PRKCQ: variants seen among roughly 807,000 people sequenced by gnomAD.
PRKCQ encodes protein kinase C theta, also known as protein kinase C theta type.
PRKCQ carries 41 observed loss-of-function variants against 91.2 expected under a neutral mutation model. The ratio of observed to expected loss-of-function variants is 0.45; its 90% CI spans 0.35 to 0.58. PRKCQ has a LOEUF of 0.58. PRKCQ is among the 20% of genes least tolerant of loss of function. The pLI is 0.00. For synonymous variants in PRKCQ, 307 were observed against 316.9 expected, an observed-to-expected ratio of 0.97 and a Z score of 0.33; for missense variants, 673 against 896.5, an observed-to-expected ratio of 0.75 and a Z score of 3.18.
At chr10:6,577,262 G>C (rs1035661283) in intron 1 of PRKCQ, among the ~76,000 whole-genome samples, 2 of 152,114 alleles carry the variant, frequency 1.3e-5, no homozygotes, top group Non-Finnish European at 2.9e-5. Flanking sequence ...ATCAGAATTT[G>C]ACATGTATAA....
At chr10:6,483,895 A>T (rs930417045) in intron 10 of PRKCQ, among the ~76,000 whole-genome samples, 14 of 152,232 alleles carry the variant, frequency 9.2e-5, no homozygotes, top group African/African-American at 3.1e-4. Flanking sequence ...TCAGTAAAAG[A>T]CCATATATGC....
chr10:6,452,654 G>A (rs797000081), intron 15 of PRKCQ, among the ~76,000 whole-genome samples: 13 of 149,154 alleles, frequency 8.7e-5, no homozygotes, highest in Admixed American at 2.0e-4. Flanking sequence ...GAAGCATCAC[G>A]CTACCTGACT....
chr10:6,455,704 G>GAT (rs1445412558), intron 15 of PRKCQ, among the ~76,000 whole-genome samples: 1 of 152,196 alleles, frequency 6.6e-6, no homozygotes, highest in African/African-American at 2.4e-5. Flanking sequence ...CATGAGAGAA[G>GAT]ATGGCATAGC....
chr10:6,454,288 A>T (rs1042860369), intron 15 of PRKCQ, among the ~76,000 whole-genome samples: 3 of 152,152 alleles, frequency 2.0e-5, no homozygotes. Flanking sequence ...GTGATGGATG[A>T]TAAGGGAGGA....
At chr10:6,402,146 A>G in the PRKCQ span, among the ~76,000 whole-genome samples, 2 of 152,120 alleles carry the variant, frequency 1.3e-5, no homozygotes, top group African/African-American at 4.8e-5. Flanking sequence ...GGAGTTGAAC[A>G]ATGAGAACGC....
At chr10:6,409,162 G>A in the PRKCQ span, among the ~76,000 whole-genome samples, 1 of 152,218 alleles carries the variant, frequency 6.6e-6, no homozygotes, top group Non-Finnish European at 1.5e-5. Context: ...ACTAGTAACT[G>A]GCCCAAGGAG....
At chr10:6,439,726 T>TA (rs1833872816) in intron 16 of PRKCQ, among the ~76,000 whole-genome samples, 1 of 151,990 alleles carries the variant, frequency 6.6e-6, no homozygotes. Context: ...AAGAATACAG[T>TA]ATATCATACA....
chr10:6,425,656 T>C (rs1331078871), downstream of PRKCQ, among the ~76,000 whole-genome samples: 1 of 152,158 alleles, frequency 6.6e-6, no homozygotes, highest in Non-Finnish European at 1.5e-5. Flanking sequence ...ACCTGACATA[T>C]TCATACAGAT....
chr10:6,544,714 G>A (rs1320077968), intron 1 of PRKCQ, among the ~76,000 whole-genome samples: 1 of 151,226 alleles, frequency 6.6e-6, no homozygotes, highest in Admixed American at 6.6e-5. Context: ...TCCACCTCCT[G>A]GGTTTAAGAG....
rs1212420861 is a variant in PRKCQ at position 6,544,496 on chromosome 10, ATGGAGATAAC to A, written c.-9-29362_-9-29353del. Among the ~76,000 whole-genome samples, 5 of 152,206 alleles carry A rather than the reference ATGGAGATAAC, an allele frequency of 3.3e-5. No homozygotes were observed. In the South Asian group the frequency reaches 1.0e-3, roughly 32 times the overall value. ...TGACTTAGGCCAAGGACATTGATAA[ATGGAGATAAC>A]TGGAAACTGGGTCTTCACTTATTGG... On this transcript the variant is annotated intron_variant, in intron 1 of 17. Transcript: ENST00000263125.
At chr10:6,517,432 A>G (rs1838809291) in intron 1 of PRKCQ, among the ~76,000 whole-genome samples, 1 of 151,498 alleles carries the variant, frequency 6.6e-6, no homozygotes, top group African/African-American at 2.4e-5. Context: ...AATTTTTTTC[A>G]AGTTTCTCTG....
intron 15 of PRKCQ, among the ~76,000 whole-genome samples, chr10:6,445,493 G>T (rs536121726): frequency 4.6e-5 from 7 of 152,144 alleles, no homozygotes; most frequent in Non-Finnish European, 4.4e-5. Context: ...AATCATATCT[G>T]GCCCGCTTCT....
chr10:6,572,600 G>A (rs1564400728), intron 1 of PRKCQ, among the ~76,000 whole-genome samples: 1 of 152,192 alleles, frequency 6.6e-6, no homozygotes, highest in East Asian at 1.9e-4. Flanking sequence ...ATTCTATGGT[G>A]TGTATGTACA....
chr10:6,537,929 G>A (rs955207489), intron 1 of PRKCQ, among the ~76,000 whole-genome samples: 2 of 152,082 alleles, frequency 1.3e-5, no homozygotes, highest in Non-Finnish European at 2.9e-5. Flanking sequence ...GCAGTTTAGC[G>A]CTTCCTCACC....
intron 1 of PRKCQ, among the ~76,000 whole-genome samples, chr10:6,540,462 C>G (rs571387675): frequency 1.6e-4 from 24 of 152,290 alleles, no homozygotes; most frequent in Admixed American, 1.4e-3. Flanking sequence ...ACTCTAGGAA[C>G]CTCGTATAAG....
chr10:6,437,818 A>AT (rs779874111), intron 16 of PRKCQ, among the ~76,000 whole-genome samples: 20 of 151,636 alleles, frequency 1.3e-4, no homozygotes, highest in South Asian at 1.0e-3. Flanking sequence ...CACCTGGCTA[A>AT]TTTTTTTTGT....
chr10:6,507,520 A>G (rs775040042), intron 3 of PRKCQ, 24 bp from the exon 4 acceptor site: 2 of 1,602,428 alleles, frequency 1.2e-6, no homozygotes, highest in Non-Finnish European at 1.7e-6. Flanking sequence ...GGAGAGAAAC[A>G]TCAGTCAGAA....
chr10:6,571,087 G>A (rs928496382), intron 1 of PRKCQ, among the ~76,000 whole-genome samples: 6 of 152,040 alleles, frequency 3.9e-5, no homozygotes, highest in South Asian at 4.1e-4. Context: ...CCAGGGAAAC[G>A]TCTGGGAGCT....
intron 7 of PRKCQ, among the ~76,000 whole-genome samples, chr10:6,493,652 T>A (rs1837441725): frequency 6.6e-6 from 1 of 152,152 alleles, no homozygotes. Flanking sequence ...GAGATTTGCG[T>A]TTTTTTCTAG....
Sources: allele counts gnomAD v4.1 joint callset (sites outside exome capture counted in the v4.1 genomes callset), GRCh38; gene constraint gnomAD v4.1.1; transcripts MANE v1.5; gene names NCBI Gene and HGNC (gene_info 2026-07-23, HGNC 2026-07-21).